The following HECW2 variants were observed in gnomAD, a reference collection of about 807,000 sequenced individuals.
HECW2 encodes HECT, C2 and WW domain containing E3 ubiquitin protein ligase 2.
HECW2 carries 61 observed loss-of-function variants against 175.2 expected under a neutral mutation model. That is an observed-to-expected ratio of 0.35 (90% CI 0.28 to 0.43). The LOEUF (loss-of-function observed/expected upper bound fraction) is 0.43. HECW2 is among the 20% of genes least tolerant of loss of function. The pLI is 1.00. For missense variants in HECW2, 1,524 were observed against 2,000.5 expected (o/e 0.76, Z 4.54); for synonymous variants, 671 against 731.0 (o/e 0.92, Z 1.32).
At chr2:196,277,149 T>C (rs888006142) in intron 15 of HECW2, among the ~76,000 whole-genome samples, 7 of 152,220 alleles carry the variant, frequency 4.6e-5, no homozygotes, top group African/African-American at 1.7e-4. Context: ...TTTTATATAT[T>C]GAAGCTGCAA....
intron 1 of HECW2, among the ~76,000 whole-genome samples, chr2:196,566,124 GA>G (rs924405797): frequency 6.9e-5 from 10 of 145,916 alleles, no homozygotes; most frequent in African/African-American, 1.0e-4. Flanking sequence ...ATTTTAGAAG[GA>G]AAAAAAAAAC....
chr2:196,516,039 A>G (rs769868114), intron 1 of HECW2, among the ~76,000 whole-genome samples: 41 of 152,138 alleles, frequency 2.7e-4, no homozygotes, highest in Non-Finnish European at 5.4e-4. Flanking sequence ...CGGGTGGCTA[A>G]GGCATGAGCA....
intron 1 of HECW2, among the ~76,000 whole-genome samples, chr2:196,440,018 T>G (rs1023502554): frequency 7.9e-5 from 12 of 152,194 alleles, no homozygotes; most frequent in African/African-American, 2.7e-4. Context: ...TTGTGGATTT[T>G]CAATCTAAGT....
At chr2:196,387,311 G>A (rs1399185855) in intron 2 of HECW2, among the ~76,000 whole-genome samples, 1 of 152,082 alleles carries the variant, frequency 6.6e-6, no homozygotes, top group Non-Finnish European at 1.5e-5. Context: ...ATTATTAAGA[G>A]GTAGGCCTTT....
At chr2:196,529,220 A>T (rs1688764820) in intron 1 of HECW2, among the ~76,000 whole-genome samples, 1 of 152,202 alleles carries the variant, frequency 6.6e-6, no homozygotes, top group African/African-American at 2.4e-5. Context: ...ATGTGCTGCT[A>T]GCTGTGATCA....
intron 1 of HECW2, among the ~76,000 whole-genome samples, chr2:196,455,687 T>TA (rs1325010805): frequency 4.6e-5 from 7 of 152,270 alleles, no homozygotes; most frequent in African/African-American, 1.7e-4. Flanking sequence ...ATTAAAACAA[T>TA]CTTTTTTAAC....
intron 2 of HECW2, among the ~76,000 whole-genome samples, chr2:196,426,435 C>T (rs917606408): frequency 6.6e-6 from 1 of 152,048 alleles, no homozygotes; most frequent in Admixed American, 6.6e-5. Context: ...TGATAACAGC[C>T]ATTCTAATAG....
intron 1 of HECW2, among the ~76,000 whole-genome samples, chr2:196,518,678 A>C (rs1226440684): frequency 1.4e-5 from 2 of 146,442 alleles, no homozygotes; most frequent in African/African-American, 2.6e-5. Flanking sequence ...AAAAAAAAAA[A>C]CCCTTTAGAG....
intron 21 of HECW2, among the ~76,000 whole-genome samples, chr2:196,228,703 T>C (rs1687941821): frequency 6.6e-6 from 1 of 152,218 alleles, no homozygotes; most frequent in Non-Finnish European, 1.5e-5. Flanking sequence ...CATGGATATC[T>C]GAAATATTTT....
At position 196,533,484 on chromosome 2, in the gene HECW2, T is replaced by G. The variant is rs535760909; in HGVS notation, c.-36+60024A>C. On this transcript the variant is annotated intron_variant, in intron 1 of 28. Coordinates refer to ENST00000644978, the MANE Select transcript of HECW2 (RefSeq NM_001348768.2). Reference sequence around the variant, plus strand: ...ATCTTTTTTTGTGTGTGTGGGGGGGTATCTTTTATCTAATTCTCAATTCTT... The same window carrying G: ...ATCTTTTTTTGTGTGTGTGGGGGGGGATCTTTTATCTAATTCTCAATTCTT... Among the ~76,000 whole-genome samples the G allele has an allele frequency of 3.3e-5, 5 of 151,716 alleles. No individual in the cohort carries two copies. In the South Asian group the frequency reaches 1.0e-3, roughly 32 times the overall value.
chr2:196,506,095 G>A (rs1470230394), intron 1 of HECW2, among the ~76,000 whole-genome samples: 1 of 152,116 alleles, frequency 6.6e-6, no homozygotes, highest in East Asian at 1.9e-4. Context: ...AGTTCAGTGA[G>A]GAGGGGAGAA....
chr2:196,434,670 C>T (rs1256618707), intron 1 of HECW2, among the ~76,000 whole-genome samples: 1 of 152,222 alleles, frequency 6.6e-6, no homozygotes, highest in Non-Finnish European at 1.5e-5. Context: ...TTCAGAACTA[C>T]ATAATCCACT....
intron 2 of HECW2, among the ~76,000 whole-genome samples, chr2:196,364,200 G>A (rs1463772463): frequency 1.3e-5 from 2 of 152,096 alleles, no homozygotes; most frequent in East Asian, 3.9e-4. Context: ...CTTTACCTGC[G>A]CTCTAGGTTC....
chr2:196,307,252 A>T lies in HECW2; in HGVS notation c.2586-19T>A, dbSNP rs1048350411. 29 of 1,538,210 alleles carry T rather than the reference A, an allele frequency of 1.9e-5. No homozygotes were observed. Among genetic ancestry groups the T allele is most frequent in the Non-Finnish European group, 2.6e-5 (29 of 1,110,886 alleles). On this transcript the variant is annotated intron_variant, in intron 11 of 28. Coordinates refer to ENST00000644978, the MANE Select transcript of HECW2 (RefSeq NM_001348768.2). Reference sequence around the variant, plus strand: ...CTGATATCTAAAATCATGAGCCTAGAGTTACATTCCAGCAGCATTTAAGAG... The same window carrying T: ...CTGATATCTAAAATCATGAGCCTAGTGTTACATTCCAGCAGCATTTAAGAG...
At chr2:196,393,754 C>T (rs1258126537) in intron 2 of HECW2, among the ~76,000 whole-genome samples, 1 of 152,192 alleles carries the variant, frequency 6.6e-6, no homozygotes, top group African/African-American at 2.4e-5. Context: ...GGCGATTCCT[C>T]AAGTATCTAG....
intron 1 of HECW2, among the ~76,000 whole-genome samples, chr2:196,516,671 T>A (rs1206059045): frequency 6.6e-6 from 1 of 152,206 alleles, no homozygotes; most frequent in Non-Finnish European, 1.5e-5. Context: ...TACCCCAAAC[T>A]GCTAGAAACC....
chr2:196,582,800 T>TG (rs1434396883), intron 1 of HECW2, among the ~76,000 whole-genome samples: 2 of 152,232 alleles, frequency 1.3e-5, no homozygotes, highest in Admixed American at 6.5e-5. Flanking sequence ...ACCCAAGAGA[T>TG]GTTTTACATA....
chr2:196,316,124 T>C (rs1269928969), intron 10 of HECW2: 1 of 152,224 alleles, frequency 6.6e-6, no homozygotes, highest in African/African-American at 2.4e-5. Context: ...CTTAAGATGA[T>C]ACAAGGTTAA....
intron 2 of HECW2, among the ~76,000 whole-genome samples, chr2:196,383,291 A>C (rs1694258666): frequency 6.6e-6 from 1 of 152,232 alleles, no homozygotes. Context: ...GAGGGGTCTG[A>C]GGCCAATCCA....
Sources: allele counts gnomAD v4.1 joint callset (sites outside exome capture counted in the v4.1 genomes callset), GRCh38; gene constraint gnomAD v4.1.1; transcripts MANE v1.5; gene names NCBI Gene and HGNC (gene_info 2026-07-23, HGNC 2026-07-21).